ADAMTSL1: variants seen among roughly 807,000 people sequenced by gnomAD.
The protein encoded by ADAMTSL1 is ADAMTS like 1.
Under a neutral mutation model 201.8 loss-of-function variants are expected in ADAMTSL1, and 126 were observed. The ratio of observed to expected loss-of-function variants is 0.62; its 90% confidence interval spans 0.54 to 0.72. The LOEUF (loss-of-function observed/expected upper bound fraction) is 0.72. ADAMTSL1 is among the 30% of genes least tolerant of loss of function. ADAMTSL1 has a pLI of 0.00. For synonymous variants in ADAMTSL1, 1,121 were observed against 903.4 expected (o/e 1.24, Z -4.32); for missense variants, 2,679 against 2,277.8 (o/e 1.18, Z -3.59).
intron 2 of ADAMTSL1, among the ~76,000 whole-genome samples, chr9:18,520,845 T>C (rs1353741402): frequency 6.6e-6 from 1 of 152,214 alleles, no homozygotes; most frequent in Non-Finnish European, 1.5e-5. Context: ...CCCTTAGTAC[T>C]AATCTGTTTG....
intron 2 of ADAMTSL1, among the ~76,000 whole-genome samples, chr9:18,188,982 C>A (rs1416206830): frequency 6.6e-6 from 1 of 152,168 alleles, no homozygotes; most frequent in Non-Finnish European, 1.5e-5. Flanking sequence ...ACTGTTAGCA[C>A]CTTTGTGCTC....
chr9:18,242,873 A>G (rs982297745), intron 2 of ADAMTSL1, among the ~76,000 whole-genome samples: 6 of 152,196 alleles, frequency 3.9e-5, no homozygotes, highest in African/African-American at 1.4e-4. Context: ...TTGATATCTC[A>G]TGTTCATAGA....
At chr9:18,713,969 G>A (rs1832761852) in intron 14 of ADAMTSL1, among the ~76,000 whole-genome samples, 1 of 149,678 alleles carries the variant, frequency 6.7e-6, no homozygotes. Flanking sequence ...TCAACTACAT[G>A]GAAACTGAAC....
chr9:18,683,068 C>T (rs1052393719), intron 12 of ADAMTSL1, among the ~76,000 whole-genome samples: 1 of 152,156 alleles, frequency 6.6e-6, no homozygotes, highest in Non-Finnish European at 1.5e-5. Context: ...GTGCCCTCAA[C>T]TATGGGAGGA....
intron 2 of ADAMTSL1, among the ~76,000 whole-genome samples, chr9:18,358,574 G>A (rs1313433399): frequency 6.6e-6 from 1 of 151,942 alleles, no homozygotes; most frequent in African/African-American, 2.4e-5. Flanking sequence ...TCAACTTTCT[G>A]TCTCTATGAG....
intron 2 of ADAMTSL1, among the ~76,000 whole-genome samples, chr9:18,179,211 G>C (rs944104016): frequency 6.6e-6 from 1 of 152,052 alleles, no homozygotes; most frequent in African/African-American, 2.4e-5. Context: ...ACCAAGGCTC[G>C]AGAACTACGT....
chr9:17,937,303 T>A (rs13288498), intron 1 of ADAMTSL1, among the ~76,000 whole-genome samples: 32,385 of 151,930 alleles, frequency 0.21, 3,780 homozygotes, highest in East Asian at 0.35. Flanking sequence ...TTATCTGCAT[T>A]TTTGGAAGGA....
chr9:18,187,497 A>G (rs1410509981), intron 2 of ADAMTSL1, among the ~76,000 whole-genome samples: 1 of 152,166 alleles, frequency 6.6e-6, no homozygotes, highest in Non-Finnish European at 1.5e-5. Flanking sequence ...TTGCACAGTA[A>G]TGTGTATAAT....
At chr9:18,659,946 G>T (rs1011240527) in intron 8 of ADAMTSL1, among the ~76,000 whole-genome samples, 19 of 151,778 alleles carry the variant, frequency 1.3e-4, no homozygotes, top group African/African-American at 4.4e-4. Flanking sequence ...ACCATGCTTT[G>T]TGAGAAATAG....
intron 2 of ADAMTSL1, among the ~76,000 whole-genome samples, chr9:18,286,217 G>A (rs370704114): frequency 3.9e-5 from 6 of 152,244 alleles, no homozygotes; most frequent in African/African-American, 1.2e-4. Context: ...ATTGTTTAAC[G>A]TGGTCTATAT....
chr9:18,198,416 AAAAC>A (rs1291542102), intron 2 of ADAMTSL1, among the ~76,000 whole-genome samples: 1 of 148,502 alleles, frequency 6.7e-6, no homozygotes, highest in Non-Finnish European at 1.5e-5. Context: ...TTACAAGAAA[AAAAC>A]AAACAACCCC....
At chr9:18,636,090 A>G in intron 6 of ADAMTSL1, 73 bp downstream of exon 6, 1 of 1,261,162 alleles carries the variant, frequency 7.9e-7, no homozygotes, top group African/African-American at 1.6e-5. Context: ...CTTCCCAGAA[A>G]AGATTAAAAC....
intron 2 of ADAMTSL1, among the ~76,000 whole-genome samples, chr9:18,338,106 C>T (rs192754132): frequency 1.2e-4 from 18 of 152,264 alleles, no homozygotes; most frequent in African/African-American, 2.9e-4. Flanking sequence ...CTACCTCAAC[C>T]GGGCCCTCAG....
At chr9:18,013,070 A>T (rs898366940) in intron 1 of ADAMTSL1, among the ~76,000 whole-genome samples, 8 of 151,716 alleles carry the variant, frequency 5.3e-5, no homozygotes, top group Admixed American at 2.0e-4. Flanking sequence ...TTTAAGTATC[A>T]TAAGGGTATT....
chr9:18,624,635 A>C (rs1056932821), intron 5 of ADAMTSL1, among the ~76,000 whole-genome samples: 2 of 152,150 alleles, frequency 1.3e-5, no homozygotes, highest in Non-Finnish European at 2.9e-5. Flanking sequence ...TCTTGTTCTC[A>C]TAGAGGATCT....
intron 5 of ADAMTSL1, among the ~76,000 whole-genome samples, chr9:18,634,836 A>C (rs78193376): frequency 1.0e-4 from 10 of 99,576 alleles, no homozygotes; most frequent in African/African-American, 3.5e-4. Context: ...GAGATTCCTC[A>C]AAAAAAAAAA....
intron 2 of ADAMTSL1, among the ~76,000 whole-genome samples, chr9:18,423,938 C>G (rs1292557649): frequency 6.6e-6 from 1 of 152,196 alleles, no homozygotes; most frequent in Non-Finnish European, 1.5e-5. Flanking sequence ...CACTTATCCT[C>G]AAAGTCTTTA....
intron 2 of ADAMTSL1, among the ~76,000 whole-genome samples, chr9:18,511,828 G>C (rs532600186): frequency 6.6e-6 from 1 of 152,106 alleles, no homozygotes; most frequent in African/African-American, 2.4e-5. Flanking sequence ...GTAAGATTTT[G>C]CTTCTTAAAC....
chr9:18,458,106 G>C (rs139590156), intron 2 of ADAMTSL1, among the ~76,000 whole-genome samples: 50 of 152,102 alleles, frequency 3.3e-4, no homozygotes, highest in African/African-American at 1.2e-3. Context: ...TTTTGCAATT[G>C]CATGGGATGC....
Sources: gnomAD v4.1 joint callset for allele counts (sites outside exome capture counted in the v4.1 genomes callset) on GRCh38, gnomAD v4.1.1 for gene constraint, MANE v1.5 for transcripts, NCBI Gene and HGNC (gene_info 2026-07-23, HGNC 2026-07-21) for gene names.